FSIP2: variants seen among roughly 807,000 people sequenced by gnomAD.
FSIP2 encodes the protein fibrous sheath-interacting protein 2.
Under a neutral mutation model 510.5 loss-of-function variants are expected in FSIP2, and 367 were observed. The observed-to-expected ratio is 0.72, with a 90% confidence interval of 0.66 to 0.78. The LOEUF (loss-of-function observed/expected upper bound fraction) is 0.78. Ranked by LOEUF, FSIP2 falls within the 30% of genes least tolerant of loss-of-function variation. The pLI, the probability that FSIP2 is intolerant of heterozygous loss-of-function variation, is 0.00. For missense variants in FSIP2, 7,594 were observed against 7,901.7 expected (o/e 0.96, Z 1.48); for synonymous variants, 2,601 against 2,732.2 (o/e 0.95, Z 1.50).
chr2:185,746,014 C>T (rs185311177), intron 5 of FSIP2, among the ~76,000 whole-genome samples: 1 of 152,154 alleles, frequency 6.6e-6, no homozygotes, highest in Admixed American at 6.5e-5. Flanking sequence ...ATGACTCAGT[C>T]ATATTCAATC....
At chr2:185,780,042 C>T (rs1692811398) in intron 13 of FSIP2, among the ~76,000 whole-genome samples, 1 of 148,538 alleles carries the variant, frequency 6.7e-6, no homozygotes, top group Non-Finnish European at 1.5e-5. Context: ...CACTGCACTC[C>T]AGCCTGGGTG....
At position 185,753,794 on chromosome 2, in the gene FSIP2, G is replaced by C; in HGVS notation, c.943G>C (p.Asp315His). 6.8e-7 allele frequency: 1 copy of C among 1,480,594 alleles called. No individual in the cohort carries two copies. The highest frequency in any genetic ancestry group is 9.0e-7 in the Non-Finnish European group (1 of 1,111,136). The allele number at this position is 1,480,594 out of a possible 1,614,324, so 91.7% of individuals were successfully genotyped here. The change falls in exon 8 of 23, where the codon GAT (aspartate) becomes CAT (histidine). Residue 315 changes from aspartate to histidine, a missense_variant. By Grantham distance (81) the Asp-to-His change is moderately conservative. Transcript: ENST00000424728. Reference protein sequence around the residue: ...KMQDTGFNGEDIGKNTFKYRG... With the variant: ...KMQDTGFNGEHIGKNTFKYRG... The stretch of plus-strand genomic sequence containing the variant: ...GCAAGATACTGGCTTTAACGGAGAA[G>C]ATATAGGAAAAAATACATTTAAATA...
chr2:185,818,889 T>C (rs773654680), intron 19 of FSIP2, among the ~76,000 whole-genome samples: 3 of 151,974 alleles, frequency 2.0e-5, no homozygotes, highest in Admixed American at 6.6e-5. Context: ...TATGAAATTA[T>C]GTAAATTTTA....
rs1218816219 is a variant in FSIP2 at position 185,794,524 on chromosome 2, T to C, written c.7388T>C (p.Ile2463Thr). The C allele has an allele frequency of 3.9e-6, 6 of 1,528,968 alleles. No homozygotes were observed. 94.7% of individuals were successfully genotyped at this position (1,528,968 alleles called of 1,614,324 possible). ...QMILENKRQIIVLEEIFMRNG... is the reference protein window; with the variant it reads ...QMILENKRQITVLEEIFMRNG... ...ATATTGGAAAACAAAAGGCAGATAA[T>C]TGTTTTGGAAGAAATATTTATGAGA... is the stretch of plus-strand genomic sequence containing the variant. Residue 2463 changes from isoleucine to threonine, a missense_variant, in exon 16 of 23, where the codon ATT becomes ACT. Coordinates refer to ENST00000424728, the MANE Select transcript of FSIP2 (RefSeq NM_173651.4).
rs1052628744 is a variant in FSIP2 at position 185,816,650 on chromosome 2, C to T, written c.20426+1179C>T. Reference sequence around the variant, plus strand: ...GCCAGGAGTTTGAAGCCAGCTTGGGCGACATAGCAAGACCCTAACTCTACT... The same window carrying T: ...GCCAGGAGTTTGAAGCCAGCTTGGGTGACATAGCAAGACCCTAACTCTACT... On this transcript the variant is annotated intron_variant, in intron 19 of 22. Transcript: ENST00000424728. 9.3e-5 allele frequency among the ~76,000 whole-genome samples: 14 copies of T among 151,042 alleles called. No homozygotes were observed. In the South Asian group the frequency reaches 1.0e-3, roughly 11 times the overall value.
At position 185,793,413 on chromosome 2, in the gene FSIP2, A is replaced by C; in HGVS notation, c.6277A>C (p.Thr2093Pro). ...RKVLQLQIQDTIEGILCDIYE... is the reference protein window; with the variant it reads ...RKVLQLQIQDPIEGILCDIYE... The stretch of plus-strand genomic sequence containing the variant: ...AGTACTTCAACTTCAAATACAAGAT[A>C]CCATTGAAGGTATCCTATGTGATAT... Residue 2093 changes from threonine (T) to proline (P), a missense_variant, in exon 16 of 23, where the codon ACC becomes CCC. Transcript: ENST00000424728. 1 of 1,533,832 alleles carries C rather than the reference A, an allele frequency of 6.5e-7. No individual in the cohort carries two copies. The highest frequency in any genetic ancestry group is 1.4e-5 in the African/African-American group (1 of 72,978).
In FSIP2 at chr2:185,790,583, A is replaced by T. The variant is rs1444975318; in HGVS notation, c.3447A>T (p.Ser1149=). The T allele has an allele frequency of 3.9e-6, 6 of 1,533,746 alleles. No homozygotes were observed. The highest frequency in any genetic ancestry group is 5.2e-6 in the Non-Finnish European group (6 of 1,145,496). The change falls in exon 16 of 23, where the codon TCA becomes TCT. Residue 1149 remains serine (S), a synonymous_variant. Coordinates refer to ENST00000424728, the MANE Select transcript of FSIP2 (RefSeq NM_173651.4). ...VLVSEKPQGL[S]HQEWIDQMFS... is the part of the protein sequence containing the mutation. Reference sequence around the variant, plus strand: ...TTTCAGAAAAGCCTCAAGGACTGTCACATCAAGAATGGATAGACCAGATGT... The same window carrying T: ...TTTCAGAAAAGCCTCAAGGACTGTCTCATCAAGAATGGATAGACCAGATGT...
rs1220420386 is a variant in FSIP2, at chr2:185,793,116, C to T, written c.5980C>T (p.Leu1994=). 5 of 1,534,258 alleles carry T rather than the reference C, an allele frequency of 3.3e-6. No homozygotes were observed. The Admixed American group carries it at 5.9e-5, about 18-fold the overall frequency. ...GTCAGGAAAGACCAACTTGTGCCAACTGTCTTTGTCTAAATTAAATACTTA... is the reference window on the plus strand; with the variant it reads ...GTCAGGAAAGACCAACTTGTGCCAATTGTCTTTGTCTAAATTAAATACTTA... The part of the protein sequence containing the change: ...TKSGKTNLCQ[L]SLSKLNTYAL... Residue 1994 remains leucine, a synonymous_variant, in exon 16 of 23, where the codon CTG becomes TTG. Transcript: ENST00000424728.
At chr2:185,820,122 T>A (rs1418873963) in intron 19 of FSIP2, among the ~76,000 whole-genome samples, 1 of 151,924 alleles carries the variant, frequency 6.6e-6, no homozygotes, top group Non-Finnish European at 1.5e-5. Flanking sequence ...AATCCCCACA[T>A]GTCGTGAGAA....
At position 185,791,111 on chromosome 2, in the gene FSIP2, C is replaced by G; in HGVS notation, c.3975C>G (p.Thr1325=). The G allele has an allele frequency of 2.0e-6, 3 of 1,530,684 alleles. No homozygotes were observed. Among genetic ancestry groups the G allele is most frequent in the Non-Finnish European group, 2.6e-6 (3 of 1,143,160 alleles). 94.8% of individuals were successfully genotyped at this position (1,530,684 alleles called of 1,614,324 possible). ...TAAATCTTAGGGAGATTGACCATAC[C>G]AAATCCCTTACAGATAAAGGATTTT... The part of the protein sequence containing the change: ...ENLNLREIDH[T]KSLTDKGFFA... Residue 1325 remains threonine, a synonymous_variant, in exon 16 of 23, where the codon ACC becomes ACG. Transcript: ENST00000424728.
chr2:185,786,045 G>GTAAT (rs1692964753), intron 14 of FSIP2, among the ~76,000 whole-genome samples: 1 of 151,858 alleles, frequency 6.6e-6, no homozygotes, highest in African/African-American at 2.4e-5. Context: ...GTACCCCTGG[G>GTAAT]TAATAAAGCA....
intron 20 of FSIP2, among the ~76,000 whole-genome samples, chr2:185,826,837 T>C (rs1474729062): frequency 6.6e-6 from 1 of 151,822 alleles, no homozygotes; most frequent in East Asian, 1.9e-4. Context: ...CCTTTAGACA[T>C]TCAAGTTGAG....
chr2:185,803,581 C>A lies in FSIP2; in HGVS notation c.14275C>A (p.Leu4759Ile). The part of the protein sequence containing the change: ...ANLPFKSHSK[L>I]SANVLIQRVQ... ...TCTGCCTTTTAAATCACATTCCAAA[C>A]TCAGTGCAAATGTTTTAATACAAAG... Residue 4759 changes from leucine (L) to isoleucine (I), a missense_variant, in exon 17 of 23, where the codon CTC becomes ATC. Transcript: ENST00000424728. The A allele has an allele frequency of 6.5e-7, 1 of 1,532,032 alleles. No homozygotes were observed. The highest frequency in any genetic ancestry group is 2.0e-5 in the Admixed American group (1 of 50,710). The allele number at this position is 1,532,032 out of a possible 1,614,324, so 94.9% of individuals were successfully genotyped here.
rs957384267 is a variant in FSIP2 at position 185,763,419 on chromosome 2, A to C, written c.1347+130A>C. ...AACTTTATTCCCTGAAATTAGTCAT[A>C]CAATAATAACGTTTTAATAGCCCTT... On this transcript the variant is annotated intron_variant, in intron 12 of 22. Transcript: ENST00000424728. 3 of 616,950 alleles carry C rather than the reference A, an allele frequency of 4.9e-6. No homozygotes were observed. The African/African-American group carries it at 5.6e-5, about 11-fold the overall frequency. 38.2% of individuals were successfully genotyped at this position (616,950 alleles called of 1,614,324 possible).
chr2:185,759,191 C>A (rs1692301625), intron 9 of FSIP2, among the ~76,000 whole-genome samples: 1 of 150,582 alleles, frequency 6.6e-6, no homozygotes, highest in Non-Finnish European at 1.5e-5. Context: ...AAAAAGACAT[C>A]CCCTTTTTTC....
chr2:185,824,679 C>A (rs1693983938), intron 20 of FSIP2, among the ~76,000 whole-genome samples, 199 bp downstream of exon 20: 2 of 151,700 alleles, frequency 1.3e-5, no homozygotes, highest in South Asian at 4.1e-4. Context: ...ATTAAGATTT[C>A]ATCACTGATT....
chr2:185,759,980 T>C (rs1431415315), intron 9 of FSIP2, among the ~76,000 whole-genome samples: 2 of 147,104 alleles, frequency 1.4e-5, no homozygotes, highest in African/African-American at 4.9e-5. Context: ...TATCTATTTA[T>C]TTGTGATGAG....
intron 7 of FSIP2, among the ~76,000 whole-genome samples, chr2:185,750,737 C>G (rs1692130143): frequency 6.6e-6 from 1 of 150,780 alleles, no homozygotes; most frequent in South Asian, 2.1e-4. Context: ...TAAGTTTTTC[C>G]CTAACACTGG....
intron 16 of FSIP2, 101 bp downstream of exon 16, chr2:185,797,627 AT>A: frequency 1.6e-6 from 2 of 1,250,218 alleles, no homozygotes; most frequent in Non-Finnish European, 2.2e-6. Flanking sequence ...TGTATTCACT[AT>A]TTTTCTGAAA....
Sources: gnomAD v4.1 joint callset for allele counts (sites outside exome capture counted in the v4.1 genomes callset) on GRCh38, gnomAD v4.1.1 for gene constraint, MANE v1.5 for transcripts, NCBI Gene and HGNC (gene_info 2026-07-23, HGNC 2026-07-21) for gene names.